The following LITAF variants were observed in gnomAD, a reference collection of about 807,000 sequenced individuals.
LITAF encodes lipopolysaccharide-induced tumor necrosis factor-alpha factor.
Under a neutral mutation model 14.5 loss-of-function variants are expected in LITAF, and 9 were observed. That is an observed-to-expected ratio of 0.62 (90% CI 0.37 to 1.08). The LOEUF is 1.08. LITAF is among the 50% of genes least tolerant of loss of function. The probability of loss-of-function intolerance (pLI) is 0.01; values close to 1 mark genes in which losing one functional copy is unlikely to be tolerated. For missense variants in LITAF, 206 were observed against 213.4 expected (o/e 0.97, Z 0.22); for synonymous variants, 98 against 88.2 (o/e 1.11, Z -0.62).
At chr16:11,580,032 G>A (rs1296160028) in intron 1 of LITAF, among the ~76,000 whole-genome samples, 2 of 152,152 alleles carry the variant, frequency 1.3e-5, no homozygotes, top group South Asian at 2.1e-4. Flanking sequence ...TCCAAAATCT[G>A]AAACTTTTTG....
chr16:11,582,752 C>G (rs777123514), intron 1 of LITAF, among the ~76,000 whole-genome samples: 1 of 152,156 alleles, frequency 6.6e-6, no homozygotes, highest in Non-Finnish European at 1.5e-5. Flanking sequence ...TCAAAAAGGT[C>G]TGGTCTTTTA....
intron 3 of LITAF, among the ~76,000 whole-genome samples, chr16:11,608,914 A>C (rs1365589017): frequency 1.3e-5 from 2 of 151,856 alleles, no homozygotes; most frequent in Admixed American, 6.6e-5. Context: ...AGTGAGCTGC[A>C]CTCCAGCCTG....
chr16:11,634,805 C>T lies in LITAF; in HGVS notation c.-21+1020G>A, dbSNP rs958440990. 3.3e-5 allele frequency among the ~76,000 whole-genome samples: 5 copies of T among 152,076 alleles called. No individual in the cohort carries two copies. The highest frequency in any genetic ancestry group is 4.8e-5 in the African/African-American group (2 of 41,408). On this transcript the variant is annotated intron_variant, in intron 2 of 3. Transcript: ENST00000574848. This position sits in a 1 kb window ranked among gnomAD's most constrained non-coding sequence, Gnocchi z 4.1. Reference sequence around the variant, plus strand: ...ATCCCAGCACTTTGGGAGGCCAAGGCGGTAGATCACTTGAGGTGAGGAGTT... The same window carrying T: ...ATCCCAGCACTTTGGGAGGCCAAGGTGGTAGATCACTTGAGGTGAGGAGTT...
chr16:11,589,210 C>T (rs978001235), upstream of LITAF, among the ~76,000 whole-genome samples: 4 of 151,854 alleles, frequency 2.6e-5, no homozygotes, highest in African/African-American at 4.8e-5. Flanking sequence ...TCTCAATAGA[C>T]GGAAAAAGCA....
upstream of LITAF, among the ~76,000 whole-genome samples, chr16:11,602,493 G>A (rs573779584): frequency 2.2e-4 from 34 of 152,278 alleles, no homozygotes; most frequent in African/African-American, 6.3e-4. Flanking sequence ...ACAGGGAGTC[G>A]TGAACAGCTG....
intron 1 of LITAF, among the ~76,000 whole-genome samples, chr16:11,557,966 C>G (rs1268422507): frequency 1.3e-5 from 2 of 152,168 alleles, no homozygotes; most frequent in African/African-American, 4.8e-5. Flanking sequence ...CATGGGGCAG[C>G]TGGAAGCAGA....
intron 3 of LITAF, among the ~76,000 whole-genome samples, chr16:11,550,358 G>C (rs1169388203): frequency 6.6e-6 from 1 of 152,174 alleles, no homozygotes; most frequent in Non-Finnish European, 1.5e-5. Context: ...CCCAAGTGCT[G>C]GGATTACAGG....
intron 3 of LITAF, among the ~76,000 whole-genome samples, chr16:11,630,183 G>A (rs1355099100): frequency 1.3e-5 from 2 of 152,096 alleles, no homozygotes; most frequent in African/African-American, 4.8e-5. Context: ...TCTGTGTTTG[G>A]GAGTCCTGGC....
Position 11,553,386 on chromosome 16 carries a change from G to C in LITAF, c.377+147C>G, listed in dbSNP as rs1440817338. On this transcript the variant is annotated intron_variant, in intron 3 of 3. Coordinates refer to ENST00000622633, the MANE Select transcript of LITAF (RefSeq NM_001136472.2). This position sits in a 1 kb window ranked among gnomAD's most constrained non-coding sequence, Gnocchi z 7.7. ...AGATCGCCCCACTGTACTCCAGCCTGGGCGACAGAACCAGATTCCATCTCA... is the reference window on the plus strand; with the variant it reads ...AGATCGCCCCACTGTACTCCAGCCTCGGCGACAGAACCAGATTCCATCTCA... The C allele has an allele frequency of 1.1e-6, 1 of 874,092 alleles. No homozygotes were observed. The highest frequency in any genetic ancestry group is 1.7e-5 in the African/African-American group (1 of 60,048). The allele number at this position is 874,092 out of a possible 1,614,324, so 54.1% of individuals were successfully genotyped here. A position where few individuals can be genotyped will look rare whatever the true frequency, so the allele number is the denominator to read the frequency against.
intron 3 of LITAF, among the ~76,000 whole-genome samples, chr16:11,621,069 T>C (rs2065047762): frequency 6.6e-6 from 1 of 151,856 alleles, no homozygotes; most frequent in African/African-American, 2.4e-5. Flanking sequence ...TTAATTTTTT[T>C]TTTTTTTGAG....
intron 3 of LITAF, among the ~76,000 whole-genome samples, chr16:11,615,094 G>C (rs547054244): frequency 3.5e-3 from 536 of 152,348 alleles, no homozygotes; most frequent in South Asian, 0.014. Context: ...AGGAAGGAAG[G>C]AGAGACCAAG....
chr16:11,630,128 G>A (rs111904331), intron 3 of LITAF, among the ~76,000 whole-genome samples: 94 of 152,296 alleles, frequency 6.2e-4, no homozygotes, highest in Non-Finnish European at 1.1e-3. Flanking sequence ...GGTCATGGGA[G>A]TCCAGATAGG....
At chr16:11,550,788 A>ACACC (rs1216370063) in intron 3 of LITAF, among the ~76,000 whole-genome samples, 1 of 152,192 alleles carries the variant, frequency 6.6e-6, no homozygotes, top group East Asian at 1.9e-4. Context: ...AAGCCACCAC[A>ACACC]CACCCGGCCA....
At chr16:11,571,760 C>T (rs2064544392) in intron 1 of LITAF, among the ~76,000 whole-genome samples, 1 of 152,172 alleles carries the variant, frequency 6.6e-6, no homozygotes, top group Admixed American at 6.5e-5. Flanking sequence ...TCCCCTCTTG[C>T]CAATCACGCC....
chr16:11,627,763 G>T (rs1211099340), intron 3 of LITAF, among the ~76,000 whole-genome samples: 2 of 152,188 alleles, frequency 1.3e-5, no homozygotes, highest in African/African-American at 2.4e-5. Flanking sequence ...AGAATGGCTT[G>T]CATCCGGGAG....
At chr16:11,623,798 C>G (rs2065066364) in intron 3 of LITAF, among the ~76,000 whole-genome samples, 1 of 151,562 alleles carries the variant, frequency 6.6e-6, no homozygotes. Flanking sequence ...GAAACCCCGT[C>G]TCTACTAAAA....
chr16:11,608,147 G>A (rs557456725), intron 3 of LITAF, among the ~76,000 whole-genome samples: 1 of 152,212 alleles, frequency 6.6e-6, no homozygotes, highest in Admixed American at 6.5e-5. Context: ...ACCCCCATGG[G>A]ATCAGAATTA....
chr16:11,618,968 G>T (rs2065033779), intron 3 of LITAF, among the ~76,000 whole-genome samples: 1 of 149,238 alleles, frequency 6.7e-6, no homozygotes, highest in African/African-American at 2.5e-5. Flanking sequence ...GGGCAACAGA[G>T]CTAGACTCGG....
chr16:11,572,509 C>T (rs996786304), intron 1 of LITAF, among the ~76,000 whole-genome samples: 3 of 152,186 alleles, frequency 2.0e-5, no homozygotes, highest in African/African-American at 7.2e-5. Flanking sequence ...GGACATCACA[C>T]ACCTGCTGAC....
Sources: allele counts gnomAD v4.1 joint callset (sites outside exome capture counted in the v4.1 genomes callset), GRCh38; gene constraint gnomAD v4.1.1; non-coding constraint Gnocchi (gnomAD v3.1); transcripts MANE v1.5; gene names NCBI Gene and HGNC (gene_info 2026-07-23, HGNC 2026-07-21).